TTC28: variants seen among roughly 807,000 people sequenced by gnomAD.
TTC28 encodes the protein tetratricopeptide repeat domain 28, also known as tetratricopeptide repeat protein 28.
A neutral mutation model predicts 198.0 loss-of-function variants in TTC28; 61 were observed. That is an observed-to-expected ratio of 0.31 (90% CI 0.25 to 0.38). TTC28 has a LOEUF of 0.38. Ranked by LOEUF, TTC28 falls within the 10% of genes least tolerant of loss-of-function variation. The probability of loss-of-function intolerance (pLI) is 1.00; values close to 1 mark genes in which losing one functional copy is unlikely to be tolerated. For synonymous variants in TTC28, 1,171 were observed against 1,297.8 expected, an observed-to-expected ratio of 0.90 and a Z score of 2.10; for missense variants, 2,678 against 3,164.0, an observed-to-expected ratio of 0.85 and a Z score of 3.69.
chr22:28,642,449 A>C (rs925600210), intron 1 of TTC28, among the ~76,000 whole-genome samples: 1 of 146,346 alleles, frequency 6.8e-6, no homozygotes, highest in Non-Finnish European at 1.5e-5. Flanking sequence ...AAAAAACAAC[A>C]AAAAAAAAAC....
chr22:28,518,270 T>C (rs2048832085), intron 2 of TTC28, among the ~76,000 whole-genome samples: 1 of 152,172 alleles, frequency 6.6e-6, no homozygotes, highest in Non-Finnish European at 1.5e-5. Flanking sequence ...TTTGTTTATA[T>C]TAACAAATAC....
intron 5 of TTC28, among the ~76,000 whole-genome samples, chr22:28,191,558 G>T (rs770260172): frequency 1.3e-5 from 2 of 152,228 alleles, no homozygotes; most frequent in Non-Finnish European, 2.9e-5. Flanking sequence ...AGGGGTAACA[G>T]ATGGCACCTG....
intron 12 of TTC28, among the ~76,000 whole-genome samples, chr22:28,064,889 T>C (rs559778166): frequency 1.3e-5 from 2 of 152,298 alleles, no homozygotes; most frequent in East Asian, 1.9e-4. Flanking sequence ...CTGTTCAGCA[T>C]TTTTTTCTTT....
chr22:28,522,119 C>G (rs2048920060), intron 2 of TTC28, among the ~76,000 whole-genome samples: 1 of 152,072 alleles, frequency 6.6e-6, no homozygotes, highest in South Asian at 2.1e-4. Flanking sequence ...AAAAAACAAA[C>G]AAGAGAATCA....
In TTC28 at chr22:28,297,798, G is replaced by A. The variant is rs1282478792; in HGVS notation, c.584C>T (p.Pro195Leu). ...CCCAACCACAGACACGACCACAAAGGGACTCTTGTCCAGTTTCATTTTCTG... is the reference window on the plus strand; with the variant it reads ...CCCAACCACAGACACGACCACAAAGAGACTCTTGTCCAGTTTCATTTTCTG... ...QLQKMKLDKS[P>L]FVVVSVVGQE... Residue 195 changes from proline (P) to leucine (L), a missense_variant, in exon 4 of 23, where the codon CCC becomes CTC. Pro to Leu is a moderately conservative substitution (Grantham distance 98). Around this residue, in one of 8 missense-constraint regions of TTC28, gnomAD observed 176 missense variants for 197.9 expected, o/e 0.89. Transcript: ENST00000397906. The A allele has an allele frequency of 1.3e-6, 2 of 1,551,582 alleles. No homozygotes were observed. Among genetic ancestry groups the A allele is most frequent in the Non-Finnish European group, 1.7e-6 (2 of 1,146,974 alleles).
intron 3 of TTC28, among the ~76,000 whole-genome samples, chr22:28,298,278 T>C (rs750151528): frequency 1.3e-5 from 2 of 152,244 alleles, no homozygotes; most frequent in Non-Finnish European, 2.9e-5. Flanking sequence ...TTGCACAGTT[T>C]GGTCATTAAC....
At chr22:27,998,403 G>A in intron 16 of TTC28, 137 bp downstream of exon 16, 3 of 1,353,786 alleles carry the variant, frequency 2.2e-6, no homozygotes, top group Non-Finnish European at 2.0e-6. Context: ...TCAGCACACA[G>A]GCTCTCTCCC....
intron 5 of TTC28, among the ~76,000 whole-genome samples, chr22:28,247,167 G>T (rs1032567791): frequency 1.3e-5 from 2 of 152,154 alleles, no homozygotes; most frequent in Admixed American, 1.3e-4. Context: ...TGCTAGGACT[G>T]CCAGGGACAA....
At chr22:28,427,584 C>T (rs1161986457) in intron 2 of TTC28, among the ~76,000 whole-genome samples, 2 of 152,090 alleles carry the variant, frequency 1.3e-5, no homozygotes, top group African/African-American at 4.8e-5. Flanking sequence ...ACCGAGGAGG[C>T]GGAGCTTGCA....
In TTC28 at chr22:27,980,183, T is replaced by C. The variant is rs1011199985; in HGVS notation, c.*2038A>G. ...GACAGCCTAACCATCTGCATATGGATTTAGAAACTTGAGGTTTACTTTTCA... is the reference window on the plus strand; with the variant it reads ...GACAGCCTAACCATCTGCATATGGACTTAGAAACTTGAGGTTTACTTTTCA... On this transcript the variant is annotated 3_prime_UTR_variant, in exon 23 of 23. Transcript: ENST00000397906. The C allele has an allele frequency of 6.6e-6, 1 of 152,226 alleles. No homozygotes were observed. Among genetic ancestry groups the C allele is most frequent in the Non-Finnish European group, 1.5e-5 (1 of 68,030 alleles). 9.4% of individuals were successfully genotyped at this position (152,226 alleles called of 1,614,324 possible).
intron 2 of TTC28, among the ~76,000 whole-genome samples, chr22:28,613,556 T>C (rs1361874059): frequency 2.0e-5 from 3 of 152,160 alleles, no homozygotes; most frequent in Non-Finnish European, 4.4e-5. Context: ...CTCAATAAAA[T>C]ACTGGCAAAC....
chr22:28,105,495 T>C lies in TTC28; in HGVS notation c.3091A>G (p.Asn1031Asp). 6.4e-7 allele frequency: 1 copy of C among 1,551,658 alleles called. No homozygotes were observed. The highest frequency in any genetic ancestry group is 8.7e-7 in the Non-Finnish European group (1 of 1,146,998). The change falls in exon 8 of 23, where the codon AAC becomes GAC. Residue 1031 changes from asparagine to aspartate, a missense_variant. Coordinates refer to ENST00000397906, the MANE Select transcript of TTC28 (RefSeq NM_001145418.2). Reference sequence around the variant, plus strand: ...GCTCGGCCCTGGCACGTGGGGTTGTTGGTTTCCTCTGCTATCTGTAGATCA... The same window carrying C: ...GCTCGGCCCTGGCACGTGGGGTTGTCGGTTTCCTCTGCTATCTGTAGATCA... ...QLDLQIAEETNNPTCQGRAYG... is the reference protein window; with the variant it reads ...QLDLQIAEETDNPTCQGRAYG...
At chr22:28,418,681 C>T (rs188368372) in intron 2 of TTC28, among the ~76,000 whole-genome samples, 3 of 152,250 alleles carry the variant, frequency 2.0e-5, no homozygotes, top group Admixed American at 6.5e-5. Context: ...TCCAATATAA[C>T]CTTGAGATTT....
At chr22:28,387,296 A>G (rs2146046686) in intron 2 of TTC28, among the ~76,000 whole-genome samples, 1 of 152,332 alleles carries the variant, frequency 6.6e-6, no homozygotes, top group East Asian at 1.9e-4. Flanking sequence ...TAATGCCGCA[A>G]TAAACATACG....
chr22:27,983,061 G>A lies in TTC28; in HGVS notation c.6606C>T (p.Ser2202=). ...TTTCTGACGCTCTGAAGACAGCAGTGCTGCTGGGCGCCTGAACGCCGTCTT... is the reference window on the plus strand; with the variant it reads ...TTTCTGACGCTCTGAAGACAGCAGTACTGCTGGGCGCCTGAACGCCGTCTT... The part of the protein sequence containing the change: ...NPEDGVQAPS[S]TAVFRASETS... The change falls in exon 23 of 23, where the codon AGC becomes AGT. Residue 2202 remains serine (S), a synonymous_variant. Coordinates refer to ENST00000397906, the MANE Select transcript of TTC28 (RefSeq NM_001145418.2). 1 of 1,551,736 alleles carries A rather than the reference G, an allele frequency of 6.4e-7. No homozygotes were observed. Among genetic ancestry groups the A allele is most frequent in the Non-Finnish European group, 8.7e-7 (1 of 1,146,982 alleles).
intron 1 of TTC28, among the ~76,000 whole-genome samples, chr22:28,662,987 A>G (rs2051772340): frequency 6.6e-6 from 1 of 152,002 alleles, no homozygotes; most frequent in Non-Finnish European, 1.5e-5. Flanking sequence ...GGTGGCTCAC[A>G]CCTGTAATCC....
chr22:27,983,596 T>C lies in TTC28; in HGVS notation c.6071A>G (p.Asp2024Gly). 6.5e-7 allele frequency: 1 copy of C among 1,549,674 alleles called. No homozygotes were observed. The highest frequency in any genetic ancestry group is 8.7e-7 in the Non-Finnish European group (1 of 1,146,138). The change falls in exon 23 of 23, where the codon GAC becomes GGC. Residue 2024 changes from aspartate (D) to glycine (G), a missense_variant. By Grantham distance (94) the Asp-to-Gly change is moderately conservative. Transcript: ENST00000397906. ...GGGPGGRQDH[D>G]RSKNAYLQRS... The stretch of plus-strand genomic sequence containing the variant: ...CTGCAGGTAAGCGTTCTTGGACCGG[T>C]CATGGTCCTGCCGTCCTCCGGGGCC...
intron 2 of TTC28, among the ~76,000 whole-genome samples, chr22:28,614,419 T>C (rs998286934): frequency 6.6e-6 from 1 of 152,208 alleles, no homozygotes; most frequent in Non-Finnish European, 1.5e-5. Context: ...ACCATTAACT[T>C]TCTTCACAGA....
At position 28,296,326 on chromosome 22, in the gene TTC28, C is replaced by A; in HGVS notation, c.805G>T (p.Asp269Tyr). The A allele has an allele frequency of 6.6e-7, 1 of 1,517,548 alleles. No individual in the cohort carries two copies. The highest frequency in any genetic ancestry group is 1.3e-5 in the South Asian group (1 of 77,148). 94.0% of individuals were successfully genotyped at this position (1,517,548 alleles called of 1,614,324 possible). The change falls in exon 5 of 23, where the codon GAC becomes TAC. Residue 269 changes from aspartate (D) to tyrosine (Y), a missense_variant and splice_region_variant. Asp to Tyr is a radical substitution (Grantham distance 160). Coordinates refer to ENST00000397906, the MANE Select transcript of TTC28 (RefSeq NM_001145418.2). ...QDLDVAKTLGDQTGECRAHGN... is the reference protein window; with the variant it reads ...QDLDVAKTLGYQTGECRAHGN... ...TGAGCTCGGCATTCTCCTGTCTGGTCACCTGGATTGAATTGAGAAAAAAAA... is the reference window on the plus strand; with the variant it reads ...TGAGCTCGGCATTCTCCTGTCTGGTAACCTGGATTGAATTGAGAAAAAAAA...
Sources: gnomAD v4.1 joint callset for allele counts (sites outside exome capture counted in the v4.1 genomes callset) on GRCh38, gnomAD v4.1.1 for gene constraint, gnomAD v4.1.1 regional missense constraint, MANE v1.5 for transcripts, NCBI Gene and HGNC (gene_info 2026-07-23, HGNC 2026-07-21) for gene names.